ADGRB1: variants seen among roughly 807,000 people sequenced by gnomAD.
ADGRB1 encodes the protein adhesion G protein-coupled receptor B1.
ADGRB1 carries 36 observed loss-of-function variants against 175.7 expected under a neutral mutation model. The ratio of observed to expected loss-of-function variants is 0.20; its 90% CI spans 0.16 to 0.27. ADGRB1 has a LOEUF of 0.27. Ranked by LOEUF, ADGRB1 falls within the 10% of genes least tolerant of loss-of-function variation. The pLI, the probability that ADGRB1 is intolerant of heterozygous loss-of-function variation, is 1.00. For synonymous variants in ADGRB1, 1,054 were observed against 979.4 expected (o/e 1.08, Z -1.42); for missense variants, 1,731 against 2,255.3 (o/e 0.77, Z 4.71).
intron 6 of ADGRB1, 74 bp downstream of exon 6, chr8:142,477,623 C>T: frequency 6.6e-7 from 1 of 1,513,942 alleles, no homozygotes; most frequent in Non-Finnish European, 8.9e-7. Flanking sequence ...ACCGGCCAGG[C>T]CCAGGAGCCC....
chr8:142,492,827 C>T lies in ADGRB1; in HGVS notation c.2675+2012C>T, dbSNP rs980745642. Among the ~76,000 whole-genome samples the T allele has an allele frequency of 7.9e-5, 12 of 152,140 alleles. No homozygotes were observed. The highest frequency in any genetic ancestry group is 6.5e-4 in the Admixed American group (10 of 15,294). ...TGGGCTTTGCATTTTCAGGGGGTGG[C>T]AGTGCGGGGGCTGCAGGTGGGTCTC... is the stretch of plus-strand genomic sequence containing the variant. On this transcript the variant is annotated intron_variant, in intron 17 of 30. Transcript: ENST00000517894. The surrounding 1 kb of genome is among the most constrained non-coding windows in gnomAD (Gnocchi z 4.4).
intron 2 of ADGRB1, among the ~76,000 whole-genome samples, chr8:142,467,869 G>T (rs779027652): frequency 2.6e-5 from 4 of 152,246 alleles, no homozygotes; most frequent in Non-Finnish European, 5.9e-5. Flanking sequence ...GTGTTTCTAA[G>T]CAGAAGCGAT....
In ADGRB1 at chr8:142,526,456, C is replaced by T. The variant is rs952186802; in HGVS notation, c.3313-86C>T. Reference sequence around the variant, plus strand: ...GGGTGGGGTAGGGGGTCGTGGTTGGCGTAGCCAGCATCGGTCCGGCCAGTG... The same window carrying T: ...GGGTGGGGTAGGGGGTCGTGGTTGGTGTAGCCAGCATCGGTCCGGCCAGTG... On this transcript the variant is annotated intron_variant, in intron 23 of 30. Coordinates refer to ENST00000517894, the MANE Select transcript of ADGRB1 (RefSeq NM_001702.3). The T allele has an allele frequency of 2.5e-5, 31 of 1,262,322 alleles. No homozygotes were observed. The African/African-American group carries it at 3.1e-4, about 13-fold the overall frequency. The allele number at this position is 1,262,322 out of a possible 1,614,324, so 78.2% of individuals were successfully genotyped here.
chr8:142,485,761 C>T (rs114447756), intron 13 of ADGRB1, among the ~76,000 whole-genome samples: 91 of 152,296 alleles, frequency 6.0e-4, no homozygotes, highest in African/African-American at 1.9e-3. Context: ...CCCTGAGCAC[C>T]GTGGTTACCC....
chr8:142,472,494 T>C (rs897097628), intron 2 of ADGRB1, among the ~76,000 whole-genome samples: 1 of 152,158 alleles, frequency 6.6e-6, no homozygotes, highest in African/African-American at 2.4e-5. Flanking sequence ...TCAGACACAC[T>C]GTGGCCACCC....
chr8:142,541,871 T>G, intron 27 of ADGRB1, 70 bp from the exon 28 acceptor site: 1 of 1,436,640 alleles, frequency 7.0e-7, no homozygotes, highest in Non-Finnish European at 9.3e-7. Context: ...GCCCCTCTCC[T>G]GCTGGGGACT....
intron 18 of ADGRB1, among the ~76,000 whole-genome samples, chr8:142,517,585 G>A (rs1843517950): frequency 3.9e-5 from 6 of 152,176 alleles, no homozygotes. Flanking sequence ...GAGAGCGAGG[G>A]GTGGGAGGGG....
At chr8:142,477,591 A>G in intron 6 of ADGRB1, 42 bp downstream of exon 6, 1 of 1,587,470 alleles carries the variant, frequency 6.3e-7, no homozygotes, top group Middle Eastern at 1.7e-4. Context: ...GGAAGGGAAG[A>G]AAGGGGAGGT....
At chr8:142,491,868 G>C (rs1340441875) in intron 17 of ADGRB1, among the ~76,000 whole-genome samples, 18 of 152,200 alleles carry the variant, frequency 1.2e-4, no homozygotes, top group Non-Finnish European at 8.8e-5. Flanking sequence ...GCAGGCGTTG[G>C]AGGACAAGGC....
At position 142,450,067 on chromosome 8, in the gene ADGRB1, T is replaced by A. The variant is rs1839245167; in HGVS notation, c.-257T>A. The A allele has an allele frequency of 6.8e-6, 1 of 146,634 alleles. No homozygotes were observed. The allele number at this position is 146,634 out of a possible 1,614,324, so 9.1% of individuals were successfully genotyped here. ...TCGCGGGGATTTGCAACTCGCCGGA[T>A]CGAGTCCTCGCCGGCGGGGCCGCTG... is the stretch of plus-strand genomic sequence containing the variant. On this transcript the variant is annotated 5_prime_UTR_variant, in exon 1 of 31. Coordinates refer to ENST00000517894, the MANE Select transcript of ADGRB1 (RefSeq NM_001702.3).
intron 25 of ADGRB1, among the ~76,000 whole-genome samples, chr8:142,533,675 T>A (rs775259833): frequency 4.6e-5 from 7 of 152,094 alleles, no homozygotes; most frequent in African/African-American, 7.2e-5. Context: ...GCCCAGGCAG[T>A]GCAGCACCTT....
Position 142,518,251 on chromosome 8 carries a change from G to A in ADGRB1, c.2921+10G>A, listed in dbSNP as rs781456157. ...ACGTGTCCGTGTGGAGGTGGGTGCCGCCCAGGTGCTGGGCATGCATGTCTG... is the reference window on the plus strand; with the variant it reads ...ACGTGTCCGTGTGGAGGTGGGTGCCACCCAGGTGCTGGGCATGCATGTCTG... On this transcript the variant is annotated intron_variant, in intron 19 of 30. Transcript: ENST00000517894. 85 of 1,612,634 alleles carry A rather than the reference G, an allele frequency of 5.3e-5. No individual in the cohort carries two copies. Among genetic ancestry groups the A allele is most frequent in the Non-Finnish European group, 6.6e-5 (78 of 1,179,330 alleles).
intron 3 of ADGRB1, 145 bp from the exon 4 acceptor site, chr8:142,476,440 C>G (rs1840979047): frequency 1.4e-6 from 1 of 703,148 alleles, no homozygotes; most frequent in Non-Finnish European, 2.5e-6. Context: ...AGGGCTGGTG[C>G]CAGGCTGGGC....
At chr8:142,484,912 G>A in intron 13 of ADGRB1, 148 bp downstream of exon 13, 1 of 652,626 alleles carries the variant, frequency 1.5e-6, no homozygotes. Context: ...GATGGGTCCT[G>A]TTTTCAGTCT....
chr8:142,543,630 A>G lies in ADGRB1; in HGVS notation c.4479A>G (p.Gln1493=), dbSNP rs779134038. Residue 1493 remains glutamine, a synonymous_variant, in exon 30 of 31, where the codon CAA becomes CAG. Transcript: ENST00000517894. The surrounding 1 kb of genome is among the most constrained non-coding windows in gnomAD (Gnocchi z 4.4). ...EKIMHTRKRH[Q]DMFQDLNRKL... ...TCATGCACACCCGGAAGCGGCACCA[A>G]GACATGTTCCAGGACCTGAACCGGA... The G allele has an allele frequency of 6.4e-7, 1 of 1,566,950 alleles. No homozygotes were observed. Among genetic ancestry groups the G allele is most frequent in the South Asian group, 1.2e-5 (1 of 85,520 alleles).
intron 1 of ADGRB1, among the ~76,000 whole-genome samples, chr8:142,457,826 A>G (rs1839763952): frequency 6.6e-6 from 1 of 152,072 alleles, no homozygotes; most frequent in African/African-American, 2.4e-5. Context: ...CACGCAAATA[A>G]GTTGTCCTGG....
rs1842041397 is a variant in ADGRB1 at position 142,492,789 on chromosome 8, C to T, written c.2675+1974C>T. ...AAGAAAGCCCCCCTGCTTGCATGAC[C>T]CAGGCCCACCCCTGGGCTTTGCATT... On this transcript the variant is annotated intron_variant, in intron 17 of 30. Transcript: ENST00000517894. The surrounding 1 kb of genome is among the most constrained non-coding windows in gnomAD (Gnocchi z 4.4). 6.6e-6 allele frequency among the ~76,000 whole-genome samples: 1 copy of T among 152,176 alleles called. No homozygotes were observed. The highest frequency in any genetic ancestry group is 2.4e-5 in the African/African-American group (1 of 41,438).
rs906498034 is a variant in ADGRB1, at chr8:142,465,098, G to A, written c.784+116G>A. 4.1e-5 allele frequency: 41 copies of A among 996,280 alleles called. No homozygotes were observed. The African/African-American group carries it at 7.2e-4, about 17-fold the overall frequency. The allele number at this position is 996,280 out of a possible 1,614,324, so 61.7% of individuals were successfully genotyped here. On this transcript the variant is annotated intron_variant, in intron 2 of 30. Transcript: ENST00000517894. ...GGCGGACAGAGGAGGTGGGCGGGCA[G>A]GCGGAGGTGGGTGGGTAGGGGAGGT...
At chr8:142,516,472 T>A (rs1843443367) in intron 18 of ADGRB1, among the ~76,000 whole-genome samples, 1 of 102,050 alleles carries the variant, frequency 9.8e-6, no homozygotes, top group Non-Finnish European at 1.9e-5. Flanking sequence ...GCCCCAGATG[T>A]GTGTGTGTGC....
Sources: allele counts gnomAD v4.1 joint callset (sites outside exome capture counted in the v4.1 genomes callset), GRCh38; gene constraint gnomAD v4.1.1; non-coding constraint Gnocchi (gnomAD v3.1); transcripts MANE v1.5; gene names NCBI Gene and HGNC (gene_info 2026-07-23, HGNC 2026-07-21).